Variants in MTUS2 observed in about 807,000 individuals in gnomAD.
The protein encoded by MTUS2 is microtubule associated scaffold protein 2.
A neutral mutation model predicts 114.1 loss-of-function variants in MTUS2; 40 were observed. The observed-to-expected ratio is 0.35, with a 90% CI of 0.27 to 0.46. The LOEUF (loss-of-function observed/expected upper bound fraction) is 0.46, where lower values mean the gene tolerates loss of function less well. MTUS2 is among the 20% of genes least tolerant of loss of function. The pLI is 1.00. For missense variants in MTUS2, 1,679 were observed against 1,705.4 expected (o/e 0.98, Z 0.27); for synonymous variants, 688 against 672.0 (o/e 1.02, Z -0.37).
intron 5 of MTUS2, among the ~76,000 whole-genome samples, chr13:29,218,484 T>C (rs1317921592): frequency 6.6e-6 from 1 of 152,256 alleles, no homozygotes; most frequent in Non-Finnish European, 1.5e-5. Context: ...GTTTCTAGAA[T>C]GGTAAATCCT....
chr13:29,307,660 T>G, intron 6 of MTUS2: 1 of 1,142,304 alleles, frequency 8.8e-7, no homozygotes, highest in East Asian at 2.4e-5. Flanking sequence ...CTCTTCCACC[T>G]TCGACGCTGG....
intron 5 of MTUS2, among the ~76,000 whole-genome samples, chr13:29,234,759 T>C (rs544435033): frequency 6.6e-6 from 1 of 152,220 alleles, no homozygotes. Flanking sequence ...CTTCCTCTTC[T>C]ATTCCCCACA....
chr13:29,409,635 C>T (rs549430950), intron 8 of MTUS2, among the ~76,000 whole-genome samples: 2 of 152,246 alleles, frequency 1.3e-5, no homozygotes, highest in East Asian at 1.9e-4. Context: ...GGTCTATCAC[C>T]CCTATCCAAA....
chr13:29,299,514 A>T (rs1899098808), intron 6 of MTUS2, among the ~76,000 whole-genome samples: 1 of 152,174 alleles, frequency 6.6e-6, no homozygotes, highest in Non-Finnish European at 1.5e-5. Flanking sequence ...GTACTTACAC[A>T]CCTAATTATT....
At chr13:29,500,633 C>T (rs1022124622) in intron 14 of MTUS2, among the ~76,000 whole-genome samples, 6 of 152,220 alleles carry the variant, frequency 3.9e-5, no homozygotes, top group East Asian at 1.9e-4. Context: ...ATGTCGTGCA[C>T]GCAAGGCTGG....
chr13:28,906,925 A>G (rs1315841089), intron 2 of MTUS2, among the ~76,000 whole-genome samples: 1 of 151,478 alleles, frequency 6.6e-6, no homozygotes, highest in Admixed American at 6.6e-5. Context: ...CTCCTCGAGA[A>G]GAGCAACTCC....
In MTUS2 at chr13:29,026,654, C is replaced by G. The variant is rs747724337; in HGVS notation, c.1956C>G (p.Pro652=). The change falls in exon 3 of 16, where the codon CCC becomes CCG. Residue 652 remains proline, a synonymous_variant. Coordinates refer to ENST00000612955, the MANE Select transcript of MTUS2 (RefSeq NM_001033602.4). ...TCATCACCTACATCAGGAGGAATCC[C>G]CAGGCCCTGGGCCAGGTGGACGCCT... ...PKIITYIRRN[P]QALGQVDASL... The G allele has an allele frequency of 6.2e-7, 1 of 1,613,992 alleles. No individual in the cohort carries two copies. The highest frequency in any genetic ancestry group is 8.5e-7 in the Non-Finnish European group (1 of 1,179,884).
chr13:28,885,597 C>T (rs1190070159), intron 2 of MTUS2, among the ~76,000 whole-genome samples: 3 of 152,202 alleles, frequency 2.0e-5, no homozygotes, highest in South Asian at 2.1e-4. Flanking sequence ...AGGAAGACGC[C>T]AATTTTACTA....
chr13:29,042,887 A>G (rs1007700808), intron 4 of MTUS2, among the ~76,000 whole-genome samples: 2 of 152,050 alleles, frequency 1.3e-5, no homozygotes, highest in Non-Finnish European at 2.9e-5. Flanking sequence ...CTAATGGTCT[A>G]TCAATTTTGT....
At chr13:29,275,602 A>G (rs912752094) in intron 5 of MTUS2, among the ~76,000 whole-genome samples, 3 of 152,132 alleles carry the variant, frequency 2.0e-5, no homozygotes, top group Non-Finnish European at 4.4e-5. Context: ...GCTTCCATAG[A>G]TAAGTGAGAA....
intron 8 of MTUS2, among the ~76,000 whole-genome samples, chr13:29,396,986 G>C (rs1353950062): frequency 1.3e-5 from 2 of 152,188 alleles, no homozygotes; most frequent in Admixed American, 6.5e-5. Flanking sequence ...TCCAAGACAG[G>C]GTTCTTGAAG....
chr13:29,269,152 G>C (rs2992385), intron 5 of MTUS2, among the ~76,000 whole-genome samples: 1 of 152,134 alleles, frequency 6.6e-6, no homozygotes, highest in African/African-American at 2.4e-5. Flanking sequence ...AAATTTGACA[G>C]AATATTAGCT....
rs148601018 is a variant in MTUS2, at chr13:29,354,008, C to T, written c.2906-5254C>T. ...ATCCTCTGTGGTATCCTACCTTGTA[C>T]GCACTAACTCCTGACCTCCCTGAGC... On this transcript the variant is annotated intron_variant, in intron 7 of 15. Coordinates refer to ENST00000612955, the MANE Select transcript of MTUS2 (RefSeq NM_001033602.4). 2.1e-3 allele frequency among the ~76,000 whole-genome samples: 319 copies of T among 152,238 alleles called. 5 individuals carry two copies. The highest frequency in any genetic ancestry group is 7.1e-3 in the African/African-American group (295 of 41,526).
At chr13:28,834,694 A>G (rs888962262) in intron 1 of MTUS2, among the ~76,000 whole-genome samples, 19 of 152,312 alleles carry the variant, frequency 1.2e-4, no homozygotes, top group Admixed American at 6.5e-4. Flanking sequence ...AAATTACAAA[A>G]TTGTTTCCTT....
chr13:29,198,691 C>G (rs1894807280), intron 5 of MTUS2, among the ~76,000 whole-genome samples: 1 of 152,144 alleles, frequency 6.6e-6, no homozygotes, highest in African/African-American at 2.4e-5. Context: ...TTGATTCTTC[C>G]TATCCATGAG....
chr13:29,095,810 T>C (rs899261279), intron 4 of MTUS2, among the ~76,000 whole-genome samples: 1 of 152,038 alleles, frequency 6.6e-6, no homozygotes, highest in Non-Finnish European at 1.5e-5. Context: ...CACTAAACTT[T>C]CCATTTGGTT....
At chr13:29,145,185 GAC>G (rs199633815) in intron 5 of MTUS2, among the ~76,000 whole-genome samples, 1,949 of 152,132 alleles carry the variant, frequency 0.013, 24 homozygotes, top group Non-Finnish European at 0.021. Context: ...AGACAAAAAG[GAC>G]ACAATTTACA....
intron 4 of MTUS2, among the ~76,000 whole-genome samples, chr13:29,051,526 A>T (rs1887896760): frequency 6.6e-6 from 1 of 152,112 alleles, no homozygotes; most frequent in Non-Finnish European, 1.5e-5. Context: ...GCTAGGGAAA[A>T]TGTGCCCCAA....
Position 28,856,784 on chromosome 13 carries a change from C to G in MTUS2, c.-243+16934C>G, listed in dbSNP as rs562870504. Reference sequence around the variant, plus strand: ...CATTGGCTGTAGAACAGAAGCCTCCCTACCCCGCCAAAATAAAGAGTCCTA... The same window carrying G: ...CATTGGCTGTAGAACAGAAGCCTCCGTACCCCGCCAAAATAAAGAGTCCTA... On this transcript the variant is annotated intron_variant, in intron 2 of 15. Coordinates refer to ENST00000612955, the MANE Select transcript of MTUS2 (RefSeq NM_001033602.4). Among the ~76,000 whole-genome samples the G allele has an allele frequency of 3.6e-4, 55 of 152,296 alleles. No individual in the cohort carries two copies. The East Asian group carries it at 7.5e-3, about 21-fold the overall frequency.
Sources: gnomAD v4.1 joint callset for allele counts (sites outside exome capture counted in the v4.1 genomes callset) on GRCh38, gnomAD v4.1.1 for gene constraint, MANE v1.5 for transcripts, NCBI Gene and HGNC (gene_info 2026-07-23, HGNC 2026-07-21) for gene names.